Variants in CSNK1G3 observed in about 807,000 individuals in gnomAD.
CSNK1G3 encodes the protein casein kinase 1 gamma 3, also known as casein kinase I isoform gamma-3.
Under a neutral mutation model 64.3 loss-of-function variants are expected in CSNK1G3, and 23 were observed. That is an observed-to-expected ratio of 0.36 (90% confidence interval 0.26 to 0.51). The LOEUF is 0.51. Ranked by LOEUF, CSNK1G3 falls within the 20% of genes least tolerant of loss-of-function variation. The pLI, the probability that CSNK1G3 is intolerant of heterozygous loss-of-function variation, is 0.96. For missense variants in CSNK1G3, 357 were observed against 510.5 expected, an observed-to-expected ratio of 0.70 and a Z score of 2.90; for synonymous variants, 158 against 162.2, an observed-to-expected ratio of 0.97 and a Z score of 0.20.
intron 4 of CSNK1G3, among the ~76,000 whole-genome samples, chr5:123,560,564 C>T (rs530627154): frequency 1.6e-3 from 244 of 152,224 alleles, no homozygotes; most frequent in African/African-American, 4.0e-3. Context: ...TGGTGGCTCA[C>T]GCCTATAATC....
At chr5:123,535,922 G>C (rs1175782055) in intron 1 of CSNK1G3, among the ~76,000 whole-genome samples, 2 of 152,118 alleles carry the variant, frequency 1.3e-5, no homozygotes, top group South Asian at 2.1e-4. Context: ...AAGGGAAGTA[G>C]TTGTTGTTTC....
rs554899686 is a variant in CSNK1G3, at chr5:123,525,289, A to G, written c.-248+12719A>G. Among the ~76,000 whole-genome samples the G allele has an allele frequency of 1.8e-3, 275 of 150,588 alleles. 1 individual carries two copies. The highest frequency in any genetic ancestry group is 7.0e-3 in the Middle Eastern group (2 of 286). ...TGATTAAACGCCTTGCAAGGCACCAAGCTTGTCCTACACCAGTTGTTTGCA... is the reference window on the plus strand; with the variant it reads ...TGATTAAACGCCTTGCAAGGCACCAGGCTTGTCCTACACCAGTTGTTTGCA... On this transcript the variant is annotated intron_variant, in intron 1 of 12. Coordinates refer to ENST00000345990, the Ensembl canonical transcript of CSNK1G3.
exon 13 of CSNK1G3, chr5:123,616,117 C>T (rs1749406854): frequency 2.0e-5 from 3 of 152,360 alleles, no homozygotes; most frequent in African/African-American, 7.2e-5. Flanking sequence ...ACTTAACCTA[C>T]AAAACATTTG....
chr5:123,537,309 ATTATC>A (rs1267335805), intron 1 of CSNK1G3, among the ~76,000 whole-genome samples: 2 of 152,228 alleles, frequency 1.3e-5, no homozygotes, highest in African/African-American at 4.8e-5. Context: ...ACTGGAGGTC[ATTATC>A]TTAAGCTAGG....
intron 5 of CSNK1G3, among the ~76,000 whole-genome samples, chr5:123,573,875 A>G (rs1788608475): frequency 7.1e-6 from 1 of 141,216 alleles, no homozygotes. Context: ...TTTGAGACGG[A>G]GTCTTGCTTT....
chr5:123,539,412 C>T (rs986545022), intron 1 of CSNK1G3, among the ~76,000 whole-genome samples: 2 of 147,560 alleles, frequency 1.4e-5, no homozygotes, highest in African/African-American at 5.1e-5. Flanking sequence ...TGTTAATGCA[C>T]TCCAGCCTGG....
chr5:123,552,856 C>A (rs1783953141), intron 2 of CSNK1G3: 1 of 248,874 alleles, frequency 4.0e-6, no homozygotes, highest in Non-Finnish European at 7.9e-6. Flanking sequence ...CAGAATCTTT[C>A]CATTTTTATA....
intron 1 of CSNK1G3, among the ~76,000 whole-genome samples, chr5:123,512,776 G>C (rs1438247743): frequency 6.6e-6 from 1 of 151,296 alleles, no homozygotes; most frequent in South Asian, 2.1e-4. Context: ...GGCAGGAGGG[G>C]GCCGCGGTCG....
intron 10 of CSNK1G3, among the ~76,000 whole-genome samples, chr5:123,600,298 C>A (rs1794224814): frequency 6.6e-6 from 1 of 152,062 alleles, no homozygotes; most frequent in Admixed American, 6.6e-5. Context: ...CAAGGTTCTA[C>A]TTAGTAATCT....
chr5:123,615,998 T>G (rs1454615986), exon 13 of CSNK1G3: 3 of 151,062 alleles, frequency 2.0e-5, no homozygotes, highest in Non-Finnish European at 4.4e-5. Context: ...GTTTAATGCA[T>G]TTTTTTTTGA....
chr5:123,567,661 G>A (rs1170909718), intron 4 of CSNK1G3, among the ~76,000 whole-genome samples: 2 of 152,090 alleles, frequency 1.3e-5, no homozygotes, highest in African/African-American at 4.8e-5. Flanking sequence ...ATTTTAATCA[G>A]CAGTATTATA....
intron 1 of CSNK1G3, among the ~76,000 whole-genome samples, chr5:123,531,996 CTG>C: frequency 6.6e-6 from 1 of 151,876 alleles, no homozygotes; most frequent in East Asian, 1.9e-4. Context: ...TCTAAAGCTT[CTG>C]TGAGGGAAAT....
At chr5:123,547,374 A>C (rs1782722349) in intron 2 of CSNK1G3, among the ~76,000 whole-genome samples, 1 of 152,180 alleles carries the variant, frequency 6.6e-6, no homozygotes, top group Non-Finnish European at 1.5e-5. Context: ...AACTACACAC[A>C]CACACAGATA....
intron 4 of CSNK1G3, among the ~76,000 whole-genome samples, chr5:123,572,180 CAT>C (rs546566347): frequency 2.0e-5 from 3 of 150,040 alleles, no homozygotes; most frequent in African/African-American, 2.4e-5. Context: ...TCTTATCAGG[CAT>C]ATATATATAT....
chr5:123,608,091 A>T (rs1229566067), intron 12 of CSNK1G3, among the ~76,000 whole-genome samples: 1 of 151,948 alleles, frequency 6.6e-6, no homozygotes, highest in Non-Finnish European at 1.5e-5. Flanking sequence ...CATCATACCC[A>T]GCTCCTTTTC....
chr5:123,542,871 T>C (rs1781900313), intron 1 of CSNK1G3, among the ~76,000 whole-genome samples: 1 of 151,418 alleles, frequency 6.6e-6, no homozygotes, highest in South Asian at 2.1e-4. Flanking sequence ...TGTGTGTGTG[T>C]GTGTGTGTGT....
chr5:123,577,061 A>T lies in CSNK1G3; in HGVS notation c.673+1098A>T, dbSNP rs147321900. Among the ~76,000 whole-genome samples the T allele has an allele frequency of 3.9e-4, 60 of 152,180 alleles. 1 individual carries two copies. Among genetic ancestry groups the T allele is most frequent in the African/African-American group, 1.3e-3 (54 of 41,554 alleles). On this transcript the variant is annotated intron_variant, in intron 6 of 12. Transcript: ENST00000345990. ...TATCATTATTTATTCTGATAGCCAA[A>T]GGGTTCCAGATTTGGCCACCCGTTG... is the stretch of plus-strand genomic sequence containing the variant.
At chr5:123,532,228 G>A (rs1170752771) in intron 1 of CSNK1G3, among the ~76,000 whole-genome samples, 8 of 151,690 alleles carry the variant, frequency 5.3e-5, no homozygotes, top group African/African-American at 4.8e-5. Context: ...AAATACATTT[G>A]CTTTGAATGG....
At chr5:123,550,921 A>G (rs1016075438) in intron 2 of CSNK1G3, among the ~76,000 whole-genome samples, 2 of 152,188 alleles carry the variant, frequency 1.3e-5, no homozygotes, top group Admixed American at 1.3e-4. Context: ...TGTGACTTCA[A>G]GTTTCAGCAA....
Sources: allele counts gnomAD v4.1 joint callset (sites outside exome capture counted in the v4.1 genomes callset), GRCh38; gene constraint gnomAD v4.1.1; transcripts MANE v1.5; gene names NCBI Gene and HGNC (gene_info 2026-07-23, HGNC 2026-07-21).